Variants in EXOC5 observed in about 807,000 individuals in gnomAD.
EXOC5 encodes the protein SEC10-like 1.
Under a neutral mutation model 90.8 loss-of-function variants are expected in EXOC5, and 17 were observed. The observed-to-expected ratio is 0.19, with a 90% CI of 0.13 to 0.28. The LOEUF is 0.28. Ranked by LOEUF, EXOC5 falls within the 10% of genes least tolerant of loss-of-function variation. The pLI is 1.00. For synonymous variants in EXOC5, 260 were observed against 270.0 expected, an observed-to-expected ratio of 0.96 and a Z score of 0.36; for missense variants, 569 against 830.6, an observed-to-expected ratio of 0.69 and a Z score of 3.87.
At chr14:57,241,813 G>A (rs1006970182) in intron 4 of EXOC5, among the ~76,000 whole-genome samples, 4 of 152,066 alleles carry the variant, frequency 2.6e-5, no homozygotes, top group South Asian at 2.1e-4. Flanking sequence ...ATCCACATGA[G>A]GAACAATAAG....
intron 1 of EXOC5, among the ~76,000 whole-genome samples, chr14:57,259,615 T>C (rs966380679): frequency 6.6e-6 from 1 of 152,226 alleles, no homozygotes; most frequent in Non-Finnish European, 1.5e-5. Flanking sequence ...TATACCATTA[T>C]TCAAAGCCTG....
chr14:57,261,356 T>C (rs1195504366), intron 1 of EXOC5, among the ~76,000 whole-genome samples: 1 of 152,354 alleles, frequency 6.6e-6, no homozygotes, highest in East Asian at 1.9e-4. Flanking sequence ...ATTACACACA[T>C]GTGCAGTCTA....
chr14:57,216,206 A>T (rs183588026), intron 15 of EXOC5, among the ~76,000 whole-genome samples: 1 of 152,116 alleles, frequency 6.6e-6, no homozygotes, highest in Admixed American at 6.6e-5. Context: ...GAATATTGTT[A>T]ACCTGTCCAT....
Position 57,264,659 on chromosome 14 carries a change from T to C in EXOC5, c.27+3963A>G, listed in dbSNP as rs901432684. Among the ~76,000 whole-genome samples the C allele has an allele frequency of 1.1e-4, 17 of 152,182 alleles. 1 individual carries two copies. Among genetic ancestry groups the C allele is most frequent in the Non-Finnish European group, 2.2e-4 (15 of 68,036 alleles). The stretch of plus-strand genomic sequence containing the variant: ...TCTCCAGGGCCTACAACCCTCCCTT[T>C]ATGTCTTAGCTTTTATTGTCTGCTT... On this transcript the variant is annotated intron_variant, in intron 1 of 17. Transcript: ENST00000621441.
intron 7 of EXOC5, among the ~76,000 whole-genome samples, chr14:57,235,038 A>T (rs1174527447): frequency 1.3e-5 from 2 of 152,182 alleles, no homozygotes; most frequent in Non-Finnish European, 2.9e-5. Context: ...ATACATAAAA[A>T]CCAGTAAGGA....
intron 1 of EXOC5, among the ~76,000 whole-genome samples, chr14:57,263,843 T>C (rs1244453940): frequency 6.7e-6 from 1 of 148,316 alleles, no homozygotes; most frequent in Non-Finnish European, 1.5e-5. Flanking sequence ...AATATGCACA[T>C]ACACATCCTA....
At chr14:57,217,188 A>G (rs1183066029) in intron 15 of EXOC5, among the ~76,000 whole-genome samples, 1 of 152,194 alleles carries the variant, frequency 6.6e-6, no homozygotes, top group East Asian at 1.9e-4. Flanking sequence ...CCATTAAGGA[A>G]AAGTACAGAA....
chr14:57,210,791 A>G (rs1163031044), intron 15 of EXOC5, among the ~76,000 whole-genome samples: 1 of 152,168 alleles, frequency 6.6e-6, no homozygotes, highest in African/African-American at 2.4e-5. Flanking sequence ...ACAGAGAAAA[A>G]ATAAGATATT....
intron 1 of EXOC5, among the ~76,000 whole-genome samples, chr14:57,251,083 T>G (rs533644526): frequency 1.1e-4 from 16 of 152,334 alleles, no homozygotes; most frequent in African/African-American, 3.6e-4. Flanking sequence ...CTTTCTATTT[T>G]GGAACTCTGT....
At chr14:57,209,341 C>T (rs1252290053) in intron 17 of EXOC5, among the ~76,000 whole-genome samples, 1 of 150,672 alleles carries the variant, frequency 6.6e-6, no homozygotes, top group Non-Finnish European at 1.5e-5. Context: ...GCCTGGGCAA[C>T]ATCATGAAAC....
intron 15 of EXOC5, among the ~76,000 whole-genome samples, chr14:57,210,405 T>G (rs919094283): frequency 6.6e-6 from 1 of 152,206 alleles, no homozygotes; most frequent in Admixed American, 6.5e-5. Flanking sequence ...TTTCTCAAAA[T>G]TCTTGGGACC....
Position 57,204,635 on chromosome 14 carries a change from T to C in EXOC5, c.*3974A>G, listed in dbSNP as rs1882594665. The C allele has an allele frequency of 6.6e-6, 1 of 152,450 alleles. No homozygotes were observed. The highest frequency in any genetic ancestry group is 2.4e-5 in the African/African-American group (1 of 41,444). 9.4% of individuals were successfully genotyped at this position (152,450 alleles called of 1,614,324 possible). A position where few individuals can be genotyped will look rare whatever the true frequency, so the allele number is the denominator to read the frequency against. On this transcript the variant is annotated 3_prime_UTR_variant, in exon 18 of 18. Transcript: ENST00000621441. ...ACAAAATATAGTACAAAATATTTGG[T>C]CTCTTTCTATTGTGAAAATTATCAA... is the stretch of plus-strand genomic sequence containing the variant.
intron 1 of EXOC5, among the ~76,000 whole-genome samples, chr14:57,248,501 C>T (rs1020410612): frequency 1.3e-5 from 2 of 151,546 alleles, no homozygotes; most frequent in Non-Finnish European, 3.0e-5. Context: ...AAGCAGGATA[C>T]AAAATCTTTT....
At chr14:57,218,431 T>C (rs145096162) in intron 14 of EXOC5, among the ~76,000 whole-genome samples, 2 of 152,226 alleles carry the variant, frequency 1.3e-5, no homozygotes, top group East Asian at 3.9e-4. Flanking sequence ...AGAAAAGTTA[T>C]AGACTATCAT....
intron 1 of EXOC5, among the ~76,000 whole-genome samples, chr14:57,260,078 G>A (rs957778202): frequency 5.9e-5 from 9 of 152,098 alleles, no homozygotes; most frequent in African/African-American, 2.2e-4. Flanking sequence ...ATACAATTCT[G>A]GCACTACAAA....
rs948525534 is a variant in EXOC5, at chr14:57,200,911, C to T, written c.*7698G>A. On this transcript the variant is annotated 3_prime_UTR_variant, in exon 18 of 18. Coordinates refer to ENST00000621441, the MANE Select transcript of EXOC5 (RefSeq NM_006544.4). The stretch of plus-strand genomic sequence containing the variant: ...GGTCCTAAAGCCAAAACTTCAAGAG[C>T]TATGTGAGATGAGGATGGTCTCCTC... The T allele has an allele frequency of 2.6e-5, 4 of 152,024 alleles. No homozygotes were observed. Among genetic ancestry groups the T allele is most frequent in the African/African-American group, 9.7e-5 (4 of 41,376 alleles). 9.4% of individuals were successfully genotyped at this position (152,024 alleles called of 1,614,324 possible). A position where few individuals can be genotyped will look rare whatever the true frequency, so the allele number is the denominator to read the frequency against.
chr14:57,224,128 C>A (rs1182942575), intron 12 of EXOC5, among the ~76,000 whole-genome samples: 2 of 151,142 alleles, frequency 1.3e-5, no homozygotes, highest in African/African-American at 2.4e-5. Flanking sequence ...GTTCTCAAAT[C>A]AATGACCTCA....
chr14:57,214,423 T>C (rs1031114765), intron 15 of EXOC5, among the ~76,000 whole-genome samples: 1 of 152,138 alleles, frequency 6.6e-6, no homozygotes, highest in Non-Finnish European at 1.5e-5. Context: ...TTTTGAAGCA[T>C]TTTTATTTCG....
intron 1 of EXOC5, among the ~76,000 whole-genome samples, chr14:57,262,549 TG>T (rs1322763742): frequency 1.5e-4 from 22 of 145,776 alleles, no homozygotes; most frequent in South Asian, 8.4e-4. Flanking sequence ...TGTGTGTGTG[TG>T]TGTGTGTGTG....
Sources: allele counts gnomAD v4.1 joint callset (sites outside exome capture counted in the v4.1 genomes callset), GRCh38; gene constraint gnomAD v4.1.1; transcripts MANE v1.5; gene names NCBI Gene and HGNC (gene_info 2026-07-23, HGNC 2026-07-21).